The following ZNF519 variants were observed in gnomAD, a reference collection of about 807,000 sequenced individuals.
The protein encoded by ZNF519 is zinc finger protein 519.
ZNF519 carries 7 observed loss-of-function variants against 7.4 expected under a neutral mutation model. That is an observed-to-expected ratio of 0.94 (90% CI 0.54 to 1.77). The LOEUF (loss-of-function observed/expected upper bound fraction) is 1.77. ZNF519 is among the 40% of genes most tolerant of loss of function. ZNF519 has a pLI of 0.00. For missense variants in ZNF519, 586 were observed against 623.1 expected (o/e 0.94, Z 0.63); for synonymous variants, 179 against 203.3 (o/e 0.88, Z 1.02).
chr18:14,110,444 C>T (rs1377168035), intron 2 of ZNF519, among the ~76,000 whole-genome samples: 12 of 151,910 alleles, frequency 7.9e-5, no homozygotes, highest in Admixed American at 3.9e-4. Context: ...TTGCAAACTA[C>T]GCACAAAAAG....
Position 14,106,219 on chromosome 18 carries a change from A to G in ZNF519, c.321T>C (p.Thr107=). 6.2e-7 allele frequency: 1 copy of G among 1,613,362 alleles called. No individual in the cohort carries two copies. Among genetic ancestry groups the G allele is most frequent in the South Asian group, 1.1e-5 (1 of 90,956 alleles). ...CYNLCSQYLT[T]SHNKHLTVKG... ...TCACAGTTAAATGTTTGTTATGACT[A>G]GTTGTCAAATATTGGCTACATAGAT... Residue 107 remains threonine, a synonymous_variant, in exon 3 of 3, where the codon ACT becomes ACC. Transcript: ENST00000590202.
downstream of ZNF519, among the ~76,000 whole-genome samples, chr18:14,095,053 C>T (rs2046130198): frequency 6.6e-6 from 1 of 152,104 alleles, no homozygotes. Flanking sequence ...GTGCCTTGTC[C>T]ATTTGGTGAG....
chr18:14,092,967 ACT>A (rs918890440), intron 2 of ZNF519, among the ~76,000 whole-genome samples: 4 of 152,194 alleles, frequency 2.6e-5, no homozygotes, highest in African/African-American at 9.7e-5. Flanking sequence ...CAAACAATTC[ACT>A]GTTTTGGAAA....
intron 2 of ZNF519, among the ~76,000 whole-genome samples, chr18:14,094,637 A>G (rs1240361638): frequency 6.6e-6 from 1 of 152,288 alleles, no homozygotes; most frequent in African/African-American, 2.4e-5. Flanking sequence ...CTATTTGAGC[A>G]TGGTCGATAA....
rs943559346 is a variant in ZNF519, at chr18:14,122,869, T to C, written c.130+1481A>G. Among the ~76,000 whole-genome samples the C allele has an allele frequency of 4.5e-4, 68 of 151,988 alleles. No homozygotes were observed. The Middle Eastern group carries it at 0.01, about 23-fold the overall frequency. ...TACGTATACATGTGCCATGTTGGTG[T>C]GCTGCACCCATTAACTCATCATTTA... On this transcript the variant is annotated intron_variant, in intron 2 of 2. Transcript: ENST00000590202.
At chr18:14,128,082 G>A (rs976169832) in intron 1 of ZNF519, among the ~76,000 whole-genome samples, 3 of 151,960 alleles carry the variant, frequency 2.0e-5, no homozygotes, top group Non-Finnish European at 1.5e-5. Context: ...GAGGTCAGGA[G>A]ATCGAGACCA....
At chr18:14,092,296 G>A (rs537798734) in intron 2 of ZNF519, among the ~76,000 whole-genome samples, 1 of 152,252 alleles carries the variant, frequency 6.6e-6, no homozygotes, top group East Asian at 1.9e-4. Flanking sequence ...GTCCTTCATT[G>A]GAACACGAAG....
intron 2 of ZNF519, among the ~76,000 whole-genome samples, chr18:14,111,284 CACCTGAAG>C (rs1410649039): frequency 1.3e-5 from 2 of 150,344 alleles, no homozygotes; most frequent in African/African-American, 4.9e-5. Flanking sequence ...GCAGGGGGAT[CACCTGAAG>C]TCAGGAGTTT....
intron 3 of ZNF519, chr18:14,082,589 G>A (rs1232610611): frequency 6.6e-6 from 1 of 151,674 alleles, no homozygotes; most frequent in Non-Finnish European, 1.5e-5. Context: ...ATTATTAGGA[G>A]TTTTACCACA....
intron 2 of ZNF519, among the ~76,000 whole-genome samples, chr18:14,094,791 G>A (rs1298368932): frequency 6.6e-6 from 1 of 151,890 alleles, no homozygotes; most frequent in East Asian, 1.9e-4. Context: ...CTGTCTTTGA[G>A]CTCACTGATT....
chr18:14,079,953 G>A (rs1159403180), intron 3 of ZNF519, among the ~76,000 whole-genome samples: 2 of 150,598 alleles, frequency 1.3e-5, no homozygotes, highest in Non-Finnish European at 3.0e-5. Flanking sequence ...ACAATATCAA[G>A]AAATGGAAAA....
At chr18:14,077,973 A>G (rs992351930) in intron 4 of ZNF519, among the ~76,000 whole-genome samples, 1 of 152,192 alleles carries the variant, frequency 6.6e-6, no homozygotes, top group Non-Finnish European at 1.5e-5. Flanking sequence ...GGATGGGAAG[A>G]CAATTTTTCC....
Position 14,132,390 on chromosome 18 carries a change from A to G in ZNF519, c.-113T>C, listed in dbSNP as rs1404631875. 7 of 1,377,500 alleles carry G rather than the reference A, an allele frequency of 5.1e-6. No individual in the cohort carries two copies. In the Admixed American group the frequency reaches 5.3e-5, roughly 10 times the overall value. The allele number at this position is 1,377,500 out of a possible 1,614,324, so 85.3% of individuals were successfully genotyped here. A position where few individuals can be genotyped will look rare whatever the true frequency, so the allele number is the denominator to read the frequency against. ...ACCGAAGTCTCCCGGAGCAGAGGAC[A>G]CAAGGCAATGAAGCCCTAACCCCGC... On this transcript the variant is annotated 5_prime_UTR_variant, in exon 1 of 3. Coordinates refer to ENST00000590202, the MANE Select transcript of ZNF519 (RefSeq NM_145287.4).
chr18:14,129,751 C>CGA (rs765650842), intron 1 of ZNF519, among the ~76,000 whole-genome samples: 13 of 152,178 alleles, frequency 8.5e-5, no homozygotes, highest in Non-Finnish European at 1.9e-4. Context: ...TCCTCACTGC[C>CGA]GATGCCAGTC....
chr18:14,113,715 C>G (rs2046233122), intron 2 of ZNF519, among the ~76,000 whole-genome samples: 1 of 144,218 alleles, frequency 6.9e-6, no homozygotes, highest in Admixed American at 7.0e-5. Context: ...TTGAGGAACT[C>G]TAAACTGTTC....
intron 2 of ZNF519, among the ~76,000 whole-genome samples, chr18:14,107,837 T>C (rs543947707): frequency 6.6e-6 from 1 of 152,268 alleles, no homozygotes; most frequent in African/African-American, 2.4e-5. Context: ...GATGAGGCTC[T>C]TCTGCCTGTG....
chr18:14,131,352 C>T (rs954217363), intron 1 of ZNF519, among the ~76,000 whole-genome samples: 2 of 152,092 alleles, frequency 1.3e-5, no homozygotes, highest in African/African-American at 4.8e-5. Context: ...CTGAAATGTG[C>T]AATAAAGGAC....
chr18:14,075,939 A>G (rs959861623), downstream of ZNF519: 23 of 152,074 alleles, frequency 1.5e-4, no homozygotes, highest in African/African-American at 5.3e-4. Context: ...ACACACACAC[A>G]TATTTACTGT....
Position 14,106,441 on chromosome 18 carries a change from C to T in ZNF519, c.131-32G>A, listed in dbSNP as rs768503018. ...GAAGTAAAAATAACTAATTATTCTACATACTGATTTCAGTTGAATATACTT... is the reference window on the plus strand; with the variant it reads ...GAAGTAAAAATAACTAATTATTCTATATACTGATTTCAGTTGAATATACTT... On this transcript the variant is annotated intron_variant, in intron 2 of 2. Coordinates refer to ENST00000590202, the MANE Select transcript of ZNF519 (RefSeq NM_145287.4). 33 of 1,517,976 alleles carry T rather than the reference C, an allele frequency of 2.2e-5. No individual in the cohort carries two copies. In the African/African-American group the frequency reaches 3.4e-4, roughly 15 times the overall value. 94.0% of individuals were successfully genotyped at this position (1,517,976 alleles called of 1,614,324 possible).
Sources: gnomAD v4.1 joint callset for allele counts (sites outside exome capture counted in the v4.1 genomes callset) on GRCh38, gnomAD v4.1.1 for gene constraint, MANE v1.5 for transcripts, NCBI Gene and HGNC (gene_info 2026-07-23, HGNC 2026-07-21) for gene names.